The following IRAK1BP1 variants were observed in gnomAD, a reference collection of about 807,000 sequenced individuals.
IRAK1BP1 encodes interleukin 1 receptor associated kinase 1 binding protein 1, also known as interleukin-1 receptor-associated kinase 1-binding protein 1.
A neutral mutation model predicts 28.0 loss-of-function variants in IRAK1BP1; 24 were observed. That is an observed-to-expected ratio of 0.86 (90% CI 0.62 to 1.20). The LOEUF is 1.20. Ranked by LOEUF, IRAK1BP1 falls within the 50% of genes most tolerant of loss-of-function variation. The probability of loss-of-function intolerance (pLI) is 0.00; values close to 1 mark genes in which losing one functional copy is unlikely to be tolerated. For missense variants in IRAK1BP1, 336 were observed against 316.7 expected, an observed-to-expected ratio of 1.06 and a Z score of -0.46; for synonymous variants, 131 against 116.3, an observed-to-expected ratio of 1.13 and a Z score of -0.81.
At position 78,873,254 on chromosome 6, in the gene IRAK1BP1, C is replaced by CAAAA. The variant is rs35962544; in HGVS notation, c.315+5387_315+5390dup. On this transcript the variant is annotated intron_variant, in intron 1 of 3. Coordinates refer to ENST00000369940, the MANE Select transcript of IRAK1BP1 (RefSeq NM_001010844.4). ...TAGGCAACAGAGTGAAACTCTGTCTCAAAAAAAAAAAAAAAAAAAAAAAAA... is the reference window on the plus strand; with the variant it reads ...TAGGCAACAGAGTGAAACTCTGTCTCAAAAAAAAAAAAAAAAAAAAAAAAAAAAA... Among the ~76,000 whole-genome samples the CAAAA allele has an allele frequency of 7.3e-4, 30 of 41,090 alleles. 2 individuals are homozygous for CAAAA. The highest frequency in any genetic ancestry group is 1.5e-3 in the South Asian group (1 of 646). The allele number at this position is 41,090 out of a possible 152,430, so 27.0% of individuals were successfully genotyped here.
At chr6:78,963,316 G>T in the IRAK1BP1 span, 11 of 1,316,744 alleles carry the variant, frequency 8.4e-6, no homozygotes, top group Non-Finnish European at 1.2e-5. Context: ...GTTAGCTTTA[G>T]AATGTAAAAA....
At chr6:78,870,273 A>C (rs1770751622) in intron 1 of IRAK1BP1, among the ~76,000 whole-genome samples, 1 of 151,908 alleles carries the variant, frequency 6.6e-6, no homozygotes, top group South Asian at 2.1e-4. Flanking sequence ...GAAAAGAATC[A>C]GCCCAAATTC....
At chr6:78,973,471 A>C in the IRAK1BP1 span, among the ~76,000 whole-genome samples, 1 of 121,016 alleles carries the variant, frequency 8.3e-6, no homozygotes, top group African/African-American at 3.2e-5. Context: ...TGCATCAACT[A>C]ATGAGCAAAA....
the IRAK1BP1 span, among the ~76,000 whole-genome samples, chr6:78,975,275 CAT>C: frequency 6.6e-6 from 1 of 152,262 alleles, no homozygotes; most frequent in Middle Eastern, 3.4e-3. Flanking sequence ...ACAAAAACCA[CAT>C]GATTATCTCA....
chr6:78,950,057 C>T (rs1774059488), downstream of IRAK1BP1, among the ~76,000 whole-genome samples: 1 of 152,058 alleles, frequency 6.6e-6, no homozygotes, highest in Non-Finnish European at 1.5e-5. Flanking sequence ...ACCGCACTGA[C>T]TTTACCATAA....
chr6:78,919,995 G>A (rs894163571), intron 4 of IRAK1BP1, among the ~76,000 whole-genome samples: 3 of 152,074 alleles, frequency 2.0e-5, no homozygotes, highest in South Asian at 2.1e-4. Flanking sequence ...GTGGCTTATG[G>A]CTGTAATCCC....
At chr6:78,965,692 C>T in the IRAK1BP1 span, 288 of 1,470,940 alleles carry the variant, frequency 2.0e-4, no homozygotes, top group Non-Finnish European at 2.4e-4. Context: ...AAAAGCCTAA[C>T]ACACACTTAC....
At chr6:78,922,129 C>T (rs189558475) in intron 4 of IRAK1BP1, among the ~76,000 whole-genome samples, 1 of 152,080 alleles carries the variant, frequency 6.6e-6, no homozygotes, top group Non-Finnish European at 1.5e-5. Flanking sequence ...TTACTCTGAG[C>T]TAAAGGAGGA....
At chr6:78,897,724 TA>T in intron 2 of IRAK1BP1, 104 bp from the exon 3 acceptor site, 1 of 869,828 alleles carries the variant, frequency 1.1e-6, no homozygotes, top group Non-Finnish European at 1.7e-6. Flanking sequence ...TTACATACTA[TA>T]AAATGACCTC....
intron 1 of IRAK1BP1, among the ~76,000 whole-genome samples, chr6:78,881,821 T>C (rs188739894): frequency 6.0e-4 from 92 of 152,228 alleles, no homozygotes; most frequent in Non-Finnish European, 1.1e-3. Context: ...AATAAGTGGA[T>C]AGTGGATGGT....
chr6:78,888,336 ATGT>A (rs1302360961), intron 2 of IRAK1BP1, among the ~76,000 whole-genome samples: 5 of 149,192 alleles, frequency 3.4e-5, no homozygotes, highest in African/African-American at 1.3e-4. Flanking sequence ...GGTAGATCTC[ATGT>A]TGTGTTGTTA....
At chr6:78,871,427 CT>C in intron 1 of IRAK1BP1, 1 of 985,496 alleles carries the variant, frequency 1.0e-6, no homozygotes, top group Non-Finnish European at 1.2e-6. Context: ...AGACAGACAC[CT>C]TTTCTCCTTT....
At chr6:78,979,036 C>T in the IRAK1BP1 span, among the ~76,000 whole-genome samples, 98 of 152,218 alleles carry the variant, frequency 6.4e-4, 1 homozygote, top group South Asian at 8.1e-3. Context: ...CTAGAAATGA[C>T]TTAAAGTATA....
At chr6:78,949,018 T>C (rs1773988552), downstream of IRAK1BP1, among the ~76,000 whole-genome samples, 3 of 152,192 alleles carry the variant, frequency 2.0e-5, no homozygotes, top group Non-Finnish European at 2.9e-5. Flanking sequence ...TTTCCAGTAC[T>C]ACATTGAATA....
At chr6:78,940,548 GTTTTTTTT>G (rs36155238) in intron 4 of IRAK1BP1, 6 of 82,712 alleles carry the variant, frequency 7.3e-5, no homozygotes, top group East Asian at 3.7e-4. Context: ...TCGTAAGTTT[GTTTTTTTT>G]TTTTTTTTTT....
intron 4 of IRAK1BP1, chr6:78,939,445 C>G (rs1773387592): frequency 6.6e-6 from 1 of 151,670 alleles, no homozygotes; most frequent in Admixed American, 6.6e-5. Context: ...CCTATTTTAA[C>G]CTTTAATAAT....
At chr6:78,890,695 A>G (rs1364147213) in intron 2 of IRAK1BP1, among the ~76,000 whole-genome samples, 1 of 152,236 alleles carries the variant, frequency 6.6e-6, no homozygotes, top group African/African-American at 2.4e-5. Context: ...CTCAGTGTCA[A>G]CACTGGAAGC....
At chr6:78,869,926 T>A (rs1230877751) in intron 1 of IRAK1BP1, among the ~76,000 whole-genome samples, 1 of 151,798 alleles carries the variant, frequency 6.6e-6, no homozygotes, top group Non-Finnish European at 1.5e-5. Context: ...CTGACCAACA[T>A]GGTGAAATCT....
chr6:78,883,327 T>C (rs1332404622), intron 1 of IRAK1BP1, among the ~76,000 whole-genome samples: 1 of 152,208 alleles, frequency 6.6e-6, no homozygotes, highest in African/African-American at 2.4e-5. Flanking sequence ...TAGATCTAGA[T>C]ACATTTATAT....
Sources: allele counts gnomAD v4.1 joint callset (sites outside exome capture counted in the v4.1 genomes callset), GRCh38; gene constraint gnomAD v4.1.1; transcripts MANE v1.5; gene names NCBI Gene and HGNC (gene_info 2026-07-23, HGNC 2026-07-21).